RELL1: variants seen among roughly 807,000 people sequenced by gnomAD.
RELL1 encodes the protein RELT like 1.
A neutral mutation model predicts 23.0 loss-of-function variants in RELL1; 10 were observed. The ratio of observed to expected loss-of-function variants is 0.43; its 90% CI spans 0.27 to 0.74. The LOEUF (loss-of-function observed/expected upper bound fraction) is 0.74, where lower values mean the gene tolerates loss of function less well. Ranked by LOEUF, RELL1 falls within the 30% of genes least tolerant of loss-of-function variation. RELL1 has a pLI of 0.19. For missense variants in RELL1, 315 were observed against 364.4 expected, an observed-to-expected ratio of 0.86 and a Z score of 1.10; for synonymous variants, 146 against 146.8, an observed-to-expected ratio of 0.99 and a Z score of 0.04.
At chr4:37,669,359 TG>T (rs948085961) in intron 1 of RELL1, among the ~76,000 whole-genome samples, 2 of 91,476 alleles carry the variant, frequency 2.2e-5, no homozygotes, top group Non-Finnish European at 4.4e-5. Context: ...GGGAGGGAGG[TG>T]GGGGGGTCAG....
intron 6 of RELL1, among the ~76,000 whole-genome samples, chr4:37,604,860 C>CAG (rs1560323838): frequency 1.5e-5 from 2 of 130,994 alleles, no homozygotes; most frequent in Admixed American, 7.2e-5. Context: ...CAGACACACA[C>CAG]ACACAGACAC....
chr4:37,669,715 G>T (rs979793986), intron 1 of RELL1, among the ~76,000 whole-genome samples: 1 of 152,234 alleles, frequency 6.6e-6, no homozygotes, highest in Non-Finnish European at 1.5e-5. Context: ...TTGGGATCCT[G>T]TTGATCTGTG....
rs1247807685 is a variant in RELL1 at position 37,623,100 on chromosome 4, G to T, written c.*3+8285C>A. 8 of 314,266 alleles carry T rather than the reference G, an allele frequency of 2.5e-5. No individual in the cohort carries two copies. The East Asian group carries it at 7.9e-4, about 31-fold the overall frequency. The allele number at this position is 314,266 out of a possible 1,614,324, so 19.5% of individuals were successfully genotyped here. On this transcript the variant is annotated intron_variant, in intron 6 of 6. Coordinates refer to ENST00000454158, the MANE Select transcript of RELL1 (RefSeq NM_001085400.2). ...TTACAGGTGTGAGCCACCGCACCCG[G>T]CCAAGAAATACTTTTTAAAGATATA...
At chr4:37,606,191 GAGAA>G (rs1719216930), downstream of RELL1, among the ~76,000 whole-genome samples, 2 of 114,530 alleles carry the variant, frequency 1.7e-5, no homozygotes, top group East Asian at 3.7e-4. This position sits in a 1 kb window ranked among gnomAD's most constrained non-coding sequence, Gnocchi z 4.1. Flanking sequence ...AAGAAAGAAA[GAGAA>G]AGAAGAAAGA....
chr4:37,676,982 C>T (rs1038967561), intron 1 of RELL1, among the ~76,000 whole-genome samples: 6 of 152,204 alleles, frequency 3.9e-5, no homozygotes, highest in Non-Finnish European at 8.8e-5. Context: ...GGGCTACAGC[C>T]ACTCCTGACT....
At chr4:37,652,832 A>C (rs1345222052) in intron 1 of RELL1, among the ~76,000 whole-genome samples, 1 of 152,228 alleles carries the variant, frequency 6.6e-6, no homozygotes, top group Non-Finnish European at 1.5e-5. Context: ...AATCTACATT[A>C]GTGAAGCATA....
intron 6 of RELL1, among the ~76,000 whole-genome samples, chr4:37,628,497 C>T (rs1720025311): frequency 1.3e-5 from 2 of 152,126 alleles, no homozygotes; most frequent in Admixed American, 6.5e-5. Context: ...TCATGGACAT[C>T]CATGATACTA....
At chr4:37,652,819 A>G (rs1357101917) in intron 1 of RELL1, among the ~76,000 whole-genome samples, 2 of 152,220 alleles carry the variant, frequency 1.3e-5, no homozygotes, top group African/African-American at 4.8e-5. Context: ...AACTGAAGAT[A>G]TTAATCTACA....
chr4:37,666,162 ACT>A (rs2109302777), intron 1 of RELL1, among the ~76,000 whole-genome samples: 1 of 152,218 alleles, frequency 6.6e-6, no homozygotes, highest in East Asian at 1.9e-4. Context: ...TATCTCTACA[ACT>A]CTGAGATAGG....
intron 6 of RELL1, among the ~76,000 whole-genome samples, chr4:37,594,240 C>T (rs145453012): frequency 6.2e-4 from 94 of 152,322 alleles, no homozygotes; most frequent in African/African-American, 2.0e-3. Context: ...GCCTTATCTA[C>T]CAGGTTGTCT....
At chr4:37,634,842 G>T in intron 5 of RELL1, 45 bp downstream of exon 5, 1 of 1,496,382 alleles carries the variant, frequency 6.7e-7, no homozygotes, top group Non-Finnish European at 9.3e-7. Flanking sequence ...ACACACCAGA[G>T]CACCCATGTC....
At chr4:37,624,044 G>A (rs1719856214) in intron 6 of RELL1, among the ~76,000 whole-genome samples, 1 of 152,138 alleles carries the variant, frequency 6.6e-6, no homozygotes, top group African/African-American at 2.4e-5. Context: ...CGACTTCCGA[G>A]GGGGTCCCCA....
chr4:37,667,674 GAGTC>G (rs1327996004), intron 1 of RELL1, among the ~76,000 whole-genome samples: 1 of 151,636 alleles, frequency 6.6e-6, no homozygotes, highest in Admixed American at 6.6e-5. Context: ...ATTTCCTAGT[GAGTC>G]AGTTATTAGG....
downstream of RELL1, among the ~76,000 whole-genome samples, chr4:37,609,536 C>T (rs189190119): frequency 3.7e-4 from 57 of 152,298 alleles, no homozygotes; most frequent in African/African-American, 1.2e-3. Flanking sequence ...CTACAGCCGC[C>T]GTAGACAGTG....
At chr4:37,605,811 G>GAAAGA (rs1719185991), downstream of RELL1, among the ~76,000 whole-genome samples, 3 of 100,720 alleles carry the variant, frequency 3.0e-5, no homozygotes, top group Admixed American at 3.0e-4. Flanking sequence ...AAGAAAGAAA[G>GAAAGA]AAAGAAAGAA....
In RELL1 at chr4:37,592,703, T is replaced by TTGGACAAGTTATGTATCCC. The variant is rs775704566; in HGVS notation, c.*4-1505_*4-1487dup. On this transcript the variant is annotated intron_variant, in intron 6 of 6. Transcript: ENST00000314117. ...TGATTTCCAGCTTTGCCATGTGACC[T>TTGGACAAGTTATGTATCCC]TGGACAAGTTATGTATCCCTTTACC... Among the ~76,000 whole-genome samples, 495 of 152,366 alleles carry TTGGACAAGTTATGTATCCC rather than the reference T, an allele frequency of 3.2e-3. 1 individual carries two copies. Among genetic ancestry groups the TTGGACAAGTTATGTATCCC allele is most frequent in the Non-Finnish European group, 4.8e-3 (325 of 68,026 alleles).
At chr4:37,620,803 C>T (rs1719736409) in intron 6 of RELL1, among the ~76,000 whole-genome samples, 1 of 152,176 alleles carries the variant, frequency 6.6e-6, no homozygotes, top group Admixed American at 6.5e-5. Context: ...ATATCAAAAA[C>T]ATTAATTTTA....
In RELL1 at chr4:37,623,715, G is replaced by GCAT. The variant is rs377465703; in HGVS notation, c.*3+7667_*3+7669dup. ...AGTCTCCCACACAGGAGTACGGCAG[G>GCAT]CATCACGGCACTACTTTTACCTTTG... On this transcript the variant is annotated intron_variant, in intron 6 of 6. Transcript: ENST00000454158. 7.4e-3 allele frequency among the ~76,000 whole-genome samples: 1,130 copies of GCAT among 152,214 alleles called. 12 individuals carry two copies. Among genetic ancestry groups the GCAT allele is most frequent in the African/African-American group, 0.026 (1,059 of 41,518 alleles).
chr4:37,589,658 G>T (rs1296427175), downstream of RELL1, among the ~76,000 whole-genome samples: 1 of 152,074 alleles, frequency 6.6e-6, no homozygotes. Flanking sequence ...TTTCAAGACT[G>T]TCTCGCTCTG....
Sources: allele counts gnomAD v4.1 joint callset (sites outside exome capture counted in the v4.1 genomes callset), GRCh38; gene constraint gnomAD v4.1.1; non-coding constraint Gnocchi (gnomAD v3.1); transcripts MANE v1.5; gene names NCBI Gene and HGNC (gene_info 2026-07-23, HGNC 2026-07-21).